The following RPL26L1 variants were observed in gnomAD, a reference collection of about 807,000 sequenced individuals.
RPL26L1 encodes the protein ribosomal protein L26 like 1.
Under a neutral mutation model 15.2 loss-of-function variants are expected in RPL26L1, and 8 were observed. The ratio of observed to expected loss-of-function variants is 0.53; its 90% confidence interval spans 0.31 to 0.95. The LOEUF (loss-of-function observed/expected upper bound fraction) is 0.95, where lower values mean the gene tolerates loss of function less well. RPL26L1 is among the 40% of genes least tolerant of loss of function. The pLI is 0.05. For synonymous variants in RPL26L1, 51 were observed against 65.9 expected (o/e 0.77, Z 1.09); for missense variants, 146 against 190.9 (o/e 0.76, Z 1.39).
intron 2 of RPL26L1, among the ~76,000 whole-genome samples, chr5:172,964,823 G>C (rs1422171831): frequency 1.3e-5 from 2 of 152,134 alleles, no homozygotes; most frequent in Non-Finnish European, 2.9e-5. Context: ...AGAAATCGTG[G>C]CTCCACACCT....
chr5:172,958,625 G>C (rs1755078752), upstream of RPL26L1: 3 of 311,940 alleles, frequency 9.6e-6, no homozygotes, highest in Admixed American at 1.1e-4. Flanking sequence ...CAGCTCCGTC[G>C]GGACCAGAGA....
At position 172,968,607 on chromosome 5, in the gene RPL26L1, C is replaced by T. The variant is rs1298885279; in HGVS notation, c.309+8C>T. ...GGCATTCACCCAAGCAAGGTATGGT[C>T]AAGGACTGAGTGGCAGTAGCAGCCA... On this transcript the variant is annotated splice_region_variant and intron_variant, in intron 3 of 3. Coordinates refer to ENST00000265100, the MANE Select transcript of RPL26L1 (RefSeq NM_016093.4). 10 of 1,613,808 alleles carry T rather than the reference C, an allele frequency of 6.2e-6. No homozygotes were observed. Among genetic ancestry groups the T allele is most frequent in the Admixed American group, 3.3e-5 (2 of 60,002 alleles).
intron 2 of RPL26L1, among the ~76,000 whole-genome samples, chr5:172,964,116 T>C (rs988360460): frequency 1.3e-5 from 2 of 151,972 alleles, no homozygotes; most frequent in African/African-American, 4.8e-5. Context: ...TAAATATATA[T>C]ATATTTTAAA....
At chr5:172,957,778 C>G (rs1755025458), upstream of RPL26L1, 1 of 166,058 alleles carries the variant, frequency 6.0e-6, no homozygotes, top group Non-Finnish European at 1.3e-5. Flanking sequence ...TAATGACTTC[C>G]TTTCTTAGGA....
At chr5:172,967,654 T>C (rs910610734) in intron 2 of RPL26L1, among the ~76,000 whole-genome samples, 2 of 152,012 alleles carry the variant, frequency 1.3e-5, no homozygotes, top group African/African-American at 2.4e-5. Context: ...TAAAAATCAG[T>C]CATCTGTAAT....
intron 2 of RPL26L1, among the ~76,000 whole-genome samples, chr5:172,961,893 C>T (rs1307517237): frequency 2.6e-5 from 4 of 152,154 alleles, no homozygotes; most frequent in Non-Finnish European, 1.5e-5. Context: ...TTAGGTAGCC[C>T]ATTGACATTT....
At chr5:172,967,821 A>G (rs1453336587) in intron 2 of RPL26L1, among the ~76,000 whole-genome samples, 2 of 150,102 alleles carry the variant, frequency 1.3e-5, no homozygotes, top group Admixed American at 6.6e-5. Context: ...ATAAGTACAT[A>G]TATGTATGTA....
At chr5:172,966,862 GTTT>G (rs987687207) in intron 2 of RPL26L1, among the ~76,000 whole-genome samples, 13 of 144,638 alleles carry the variant, frequency 9.0e-5, no homozygotes, top group African/African-American at 3.3e-4. Flanking sequence ...GTACCTGGTG[GTTT>G]TTTTTTTTTG....
At chr5:172,968,801 G>GTGTTT (rs1561759656) in intron 3 of RPL26L1, among the ~76,000 whole-genome samples, 1 of 58,936 alleles carries the variant, frequency 1.7e-5, no homozygotes, top group Non-Finnish European at 4.3e-5. Context: ...TGATGGCTGT[G>GTGTTT]TCTTTTTTTT....
chr5:172,962,376 T>G (rs1169135229), intron 2 of RPL26L1, among the ~76,000 whole-genome samples: 2 of 151,996 alleles, frequency 1.3e-5, no homozygotes, highest in African/African-American at 4.8e-5. Flanking sequence ...GGCGTGGTGG[T>G]GCACACCTGT....
intron 1 of RPL26L1, 167 bp downstream of exon 1, chr5:172,959,635 T>A: frequency 8.0e-7 from 1 of 1,243,808 alleles, no homozygotes; most frequent in Non-Finnish European, 1.0e-6. Flanking sequence ...AAGGTCCCAG[T>A]GCTACCCTCT....
chr5:172,954,917 G>A (rs1764322356), upstream of RPL26L1: 2 of 456,100 alleles, frequency 4.4e-6, no homozygotes, highest in African/African-American at 2.0e-5. Context: ...CTCCAGGGGT[G>A]CGTGACAGGT....
upstream of RPL26L1, chr5:172,959,350 G>C: frequency 1.0e-6 from 1 of 1,001,398 alleles, no homozygotes; most frequent in Non-Finnish European, 1.2e-6. Context: ...CAAGCCGCTG[G>C]GGGCGCCATT....
At chr5:172,957,231 CT>C (rs1445487666), upstream of RPL26L1, 2 of 456,184 alleles carry the variant, frequency 4.4e-6, no homozygotes, top group African/African-American at 4.0e-5. Flanking sequence ...GACAGCCAGT[CT>C]CACTACATTG....
At chr5:172,957,020 T>G (rs116402428), upstream of RPL26L1, 5,632 of 358,996 alleles carry the variant, frequency 0.016, 311 homozygotes, top group African/African-American at 0.11. Flanking sequence ...ATAAACTGAG[T>G]GACCAAGAGG....
chr5:172,957,175 G>A (rs928514044), upstream of RPL26L1: 16 of 456,072 alleles, frequency 3.5e-5, no homozygotes, highest in Non-Finnish European at 5.7e-5. Flanking sequence ...TCTGTGCTAG[G>A]TGCTTTGAGT....
At chr5:172,958,251 C>T (rs1447851487), upstream of RPL26L1, 1 of 369,124 alleles carries the variant, frequency 2.7e-6, no homozygotes, top group Admixed American at 3.6e-5. Flanking sequence ...GGAACAAGAG[C>T]GAAACTCTAT....
chr5:172,960,316 A>G (rs904840603), intron 2 of RPL26L1, among the ~76,000 whole-genome samples: 5 of 152,176 alleles, frequency 3.3e-5, no homozygotes, highest in Admixed American at 6.5e-5. Context: ...GGGTCTTGCT[A>G]TGTTGCCCAG....
At chr5:172,954,826 C>A (rs1764320000), upstream of RPL26L1, 1 of 403,958 alleles carries the variant, frequency 2.5e-6, no homozygotes, top group Non-Finnish European at 5.0e-6. Flanking sequence ...TTTCAATGAA[C>A]TTTTCCAATT....
Sources: gnomAD v4.1 joint callset for allele counts (sites outside exome capture counted in the v4.1 genomes callset) on GRCh38, gnomAD v4.1.1 for gene constraint, MANE v1.5 for transcripts, NCBI Gene and HGNC (gene_info 2026-07-23, HGNC 2026-07-21) for gene names.